The following FRMD4B variants were observed in gnomAD, a reference collection of about 807,000 sequenced individuals.
FRMD4B encodes the protein FERM domain containing 4B, also known as FERM domain-containing protein 4B.
In FRMD4B, 74 loss-of-function variants were observed where a neutral mutation model predicts 141.5. That is an observed-to-expected ratio of 0.52 (90% CI 0.43 to 0.63). FRMD4B has a LOEUF of 0.63. Ranked by LOEUF, FRMD4B falls within the 30% of genes least tolerant of loss-of-function variation. The probability of loss-of-function intolerance (pLI) is 0.00; values close to 1 mark genes in which losing one functional copy is unlikely to be tolerated. For synonymous variants in FRMD4B, 506 were observed against 467.9 expected (o/e 1.08, Z -1.05); for missense variants, 1,366 against 1,253.4 (o/e 1.09, Z -1.36).
chr3:69,498,078 G>A (rs1436887253), intron 1 of FRMD4B, among the ~76,000 whole-genome samples: 1 of 152,168 alleles, frequency 6.6e-6, no homozygotes, highest in Non-Finnish European at 1.5e-5. Context: ...AGCTGGATGG[G>A]AGCTGAGGGA....
At chr3:69,205,254 C>G (rs559707965) in intron 11 of FRMD4B, among the ~76,000 whole-genome samples, 1 of 151,554 alleles carries the variant, frequency 6.6e-6, no homozygotes. Flanking sequence ...GCAGCAGCCT[C>G]GACTTCTCGG....
chr3:69,338,712 C>T (rs1702637397), intron 1 of FRMD4B, among the ~76,000 whole-genome samples: 1 of 152,002 alleles, frequency 6.6e-6, no homozygotes, highest in Admixed American at 6.6e-5. Context: ...GGGTGAGGAT[C>T]AAAAATCTAC....
chr3:69,474,661 T>A (rs1678534687), intron 1 of FRMD4B, among the ~76,000 whole-genome samples: 1 of 152,066 alleles, frequency 6.6e-6, no homozygotes, highest in African/African-American at 2.4e-5. Flanking sequence ...TATGTTCCAA[T>A]ACCTTGATTG....
At chr3:69,455,836 T>C (rs1233773211) in intron 1 of FRMD4B, among the ~76,000 whole-genome samples, 1 of 152,142 alleles carries the variant, frequency 6.6e-6, no homozygotes, top group African/African-American at 2.4e-5. Flanking sequence ...ACTGTGTGAG[T>C]CAAAGAAAAC....
chr3:69,404,932 C>T (rs1704625408), intron 2 of FRMD4B, among the ~76,000 whole-genome samples: 1 of 152,186 alleles, frequency 6.6e-6, no homozygotes, highest in Non-Finnish European at 1.5e-5. Context: ...TTGCAAATAA[C>T]AGGCAGGAAT....
At chr3:69,504,368 C>T (rs182866633) in intron 1 of FRMD4B, among the ~76,000 whole-genome samples, 1 of 152,058 alleles carries the variant, frequency 6.6e-6, no homozygotes, top group African/African-American at 2.4e-5. Context: ...GTGTACAATT[C>T]AATGGTTTTT....
chr3:69,189,734 T>C (rs533664163), intron 18 of FRMD4B, among the ~76,000 whole-genome samples, 162 bp downstream of exon 18: 1 of 152,348 alleles, frequency 6.6e-6, no homozygotes, highest in East Asian at 1.9e-4. Context: ...GAGTAGGTGT[T>C]AATCATACAC....
At chr3:69,399,067 A>T (rs1314857467) in intron 2 of FRMD4B, among the ~76,000 whole-genome samples, 1 of 152,230 alleles carries the variant, frequency 6.6e-6, no homozygotes. Context: ...TACTTGGAAC[A>T]AATAAATCTT....
chr3:69,533,519 G>T (rs538644617), intron 1 of FRMD4B, among the ~76,000 whole-genome samples: 1 of 152,238 alleles, frequency 6.6e-6, no homozygotes, highest in African/African-American at 2.4e-5. Flanking sequence ...GCACTTATAG[G>T]GGCTCAATAA....
At chr3:69,451,070 C>A in intron 1 of FRMD4B, among the ~76,000 whole-genome samples, 1 of 152,132 alleles carries the variant, frequency 6.6e-6, no homozygotes, top group East Asian at 1.9e-4. Flanking sequence ...GAATGTGGCT[C>A]CCTCCTTCCA....
chr3:69,343,182 G>A (rs1297259704), intron 1 of FRMD4B, among the ~76,000 whole-genome samples: 1 of 152,024 alleles, frequency 6.6e-6, no homozygotes, highest in Non-Finnish European at 1.5e-5. Flanking sequence ...TTGACCTCCT[G>A]GCCTCAAGTG....
chr3:69,210,160 A>G (rs894520110), intron 11 of FRMD4B, among the ~76,000 whole-genome samples: 2 of 152,222 alleles, frequency 1.3e-5, no homozygotes, highest in Non-Finnish European at 2.9e-5. Flanking sequence ...CTTTCTTGGC[A>G]TGATATAAGG....
chr3:69,468,270 G>A (rs1016656323), intron 1 of FRMD4B, among the ~76,000 whole-genome samples: 17 of 151,938 alleles, frequency 1.1e-4, no homozygotes, highest in Admixed American at 3.3e-4. Context: ...AGTCTTGTTC[G>A]GACTATGTCC....
At chr3:69,197,522 A>T (rs2107657056) in intron 12 of FRMD4B, among the ~76,000 whole-genome samples, 1 of 151,716 alleles carries the variant, frequency 6.6e-6, no homozygotes, top group East Asian at 2.0e-4. Flanking sequence ...GCAAGTCCAA[A>T]ACTGTCCAGA....
At chr3:69,454,619 T>G (rs1246223780) in intron 1 of FRMD4B, among the ~76,000 whole-genome samples, 3 of 152,172 alleles carry the variant, frequency 2.0e-5, no homozygotes, top group Non-Finnish European at 4.4e-5. Context: ...CCCCCAGCAC[T>G]GCCGGCCCGC....
chr3:69,382,480 C>A (rs1024454219), intron 1 of FRMD4B, among the ~76,000 whole-genome samples: 1 of 152,188 alleles, frequency 6.6e-6, no homozygotes, highest in African/African-American at 2.4e-5. Flanking sequence ...CAGCCCAATC[C>A]CTCCCATTTT....
chr3:69,243,328 T>C (rs560678040), intron 7 of FRMD4B, among the ~76,000 whole-genome samples: 1 of 152,142 alleles, frequency 6.6e-6, no homozygotes, highest in Non-Finnish European at 1.5e-5. Flanking sequence ...TTTTTAAAGG[T>C]ATTCTAGGAA....
intron 1 of FRMD4B, among the ~76,000 whole-genome samples, chr3:69,455,451 C>T (rs60620360): frequency 0.025 from 3,815 of 152,306 alleles, 126 homozygotes; most frequent in East Asian, 0.08. Flanking sequence ...GAGGAATGAA[C>T]AACTCCAGAC....
chr3:69,369,905 T>C (rs941306657), intron 1 of FRMD4B, among the ~76,000 whole-genome samples: 2 of 152,144 alleles, frequency 1.3e-5, no homozygotes, highest in Non-Finnish European at 2.9e-5. Context: ...TCTTTAGCAA[T>C]GATGATGGCA....
Sources: allele counts gnomAD v4.1 joint callset (sites outside exome capture counted in the v4.1 genomes callset), GRCh38; gene constraint gnomAD v4.1.1; transcripts MANE v1.5; gene names NCBI Gene and HGNC (gene_info 2026-07-23, HGNC 2026-07-21).